The following ERI1 variants were observed in gnomAD, a reference collection of about 807,000 sequenced individuals.
ERI1 encodes exoribonuclease 1.
In ERI1, 39 loss-of-function variants were observed where a neutral mutation model predicts 39.7. The ratio of observed to expected loss-of-function variants is 0.98; its 90% CI spans 0.76 to 1.28. The LOEUF is 1.28. Ranked by LOEUF, ERI1 falls within the 50% of genes most tolerant of loss-of-function variation. The probability of loss-of-function intolerance (pLI) is 0.00; values close to 1 mark genes in which losing one functional copy is unlikely to be tolerated. For missense variants in ERI1, 581 were observed against 416.9 expected (o/e 1.39, Z -3.43); for synonymous variants, 204 against 149.6 (o/e 1.36, Z -2.65).
At chr8:9,038,649 T>TG (rs1797926943) in intron 3 of ERI1, among the ~76,000 whole-genome samples, 1 of 152,114 alleles carries the variant, frequency 6.6e-6, no homozygotes, top group Non-Finnish European at 1.5e-5. Flanking sequence ...CCCATCTACT[T>TG]GGGGGGCTGA....
intron 3 of ERI1, among the ~76,000 whole-genome samples, chr8:9,060,361 G>A (rs1306970663): frequency 6.6e-6 from 1 of 152,048 alleles, no homozygotes; most frequent in Non-Finnish European, 1.5e-5. Context: ...TTAGTTTTCT[G>A]ACTTGGGGCA....
intron 1 of ERI1, among the ~76,000 whole-genome samples, chr8:9,004,720 C>CTTATTTTTTTTT: frequency 7.6e-6 from 1 of 131,638 alleles, no homozygotes; most frequent in African/African-American, 2.9e-5. Flanking sequence ...GAGTTTCGTT[C>CTTATTTTTTTTT]TTGTTGCCCA....
At chr8:9,021,396 T>C (rs1030347406) in intron 6 of ERI1, among the ~76,000 whole-genome samples, 4 of 152,206 alleles carry the variant, frequency 2.6e-5, no homozygotes, top group African/African-American at 7.2e-5. Context: ...CCTTTAATTC[T>C]CATGCATTAG....
chr8:9,041,255 G>A (rs548283429), intron 3 of ERI1, among the ~76,000 whole-genome samples: 45 of 152,138 alleles, frequency 3.0e-4, no homozygotes, highest in Non-Finnish European at 6.2e-4. Context: ...ACCTTAAGTC[G>A]TAAAATTTAT....
intron 3 of ERI1, among the ~76,000 whole-genome samples, chr8:9,090,702 C>T (rs113352914): frequency 5.3e-4 from 81 of 152,144 alleles, no homozygotes; most frequent in African/African-American, 1.4e-3. Context: ...ATAGATTGTG[C>T]TTTAGAAAAG....
rs549789920 is a variant in ERI1 at position 9,013,280 on chromosome 8, G to A, written c.498+1528G>A. On this transcript the variant is annotated intron_variant, in intron 3 of 6. Transcript: ENST00000250263. ...TCCACCTGCCTCAGGTTCCCCAAGTGCTAGGATTACAGGCGTGAGCCACCA... is the reference window on the plus strand; with the variant it reads ...TCCACCTGCCTCAGGTTCCCCAAGTACTAGGATTACAGGCGTGAGCCACCA... Among the ~76,000 whole-genome samples, 4 of 148,290 alleles carry A rather than the reference G, an allele frequency of 2.7e-5. No homozygotes were observed. In the East Asian group the frequency reaches 7.9e-4, roughly 29 times the overall value.
At chr8:9,015,889 A>C (rs1370968259) in intron 3 of ERI1, among the ~76,000 whole-genome samples, 1 of 152,164 alleles carries the variant, frequency 6.6e-6, no homozygotes, top group African/African-American at 2.4e-5. Flanking sequence ...AATAAAGACT[A>C]TTCAGGAGTA....
At chr8:9,038,589 T>G (rs1797923515) in intron 3 of ERI1, among the ~76,000 whole-genome samples, 1 of 149,480 alleles carries the variant, frequency 6.7e-6, no homozygotes, top group Non-Finnish European at 1.5e-5. Flanking sequence ...AAACCCTGTT[T>G]CTACAAAAAA....
chr8:9,071,000 A>T (rs1305864607), intron 3 of ERI1, among the ~76,000 whole-genome samples: 1 of 152,144 alleles, frequency 6.6e-6, no homozygotes, highest in Non-Finnish European at 1.5e-5. Context: ...TGCAGAGTGA[A>T]CGGGCTCTAT....
intron 3 of ERI1, among the ~76,000 whole-genome samples, chr8:9,077,895 A>G (rs1799256874): frequency 6.6e-6 from 1 of 151,496 alleles, no homozygotes; most frequent in Non-Finnish European, 1.5e-5. Flanking sequence ...ACCCCATCCA[A>G]CCTTTCTTTC....
chr8:9,017,495 A>G (rs1449654936), intron 4 of ERI1, among the ~76,000 whole-genome samples: 1 of 152,220 alleles, frequency 6.6e-6, no homozygotes, highest in Non-Finnish European at 1.5e-5. Context: ...ATATAGACGT[A>G]TGTCTGTGCA....
intron 3 of ERI1, chr8:9,096,603 C>T (rs1799883442): frequency 6.6e-6 from 1 of 151,954 alleles, no homozygotes; most frequent in Non-Finnish European, 1.5e-5. Context: ...GGTCCAGCTG[C>T]CTGATGTTGA....
chr8:9,027,578 A>G (rs1319974889), intron 6 of ERI1, among the ~76,000 whole-genome samples: 1 of 152,122 alleles, frequency 6.6e-6, no homozygotes, highest in African/African-American at 2.4e-5. Flanking sequence ...AGCCTTTTCC[A>G]TATGTTTTAT....
chr8:9,006,440 A>G (rs1816029040), intron 1 of ERI1, among the ~76,000 whole-genome samples: 1 of 152,252 alleles, frequency 6.6e-6, no homozygotes, highest in Admixed American at 6.5e-5. Flanking sequence ...GGATTTATCC[A>G]AAGAGAAAAT....
At chr8:9,063,250 G>C (rs1240717759) in intron 3 of ERI1, among the ~76,000 whole-genome samples, 1 of 152,184 alleles carries the variant, frequency 6.6e-6, no homozygotes, top group Non-Finnish European at 1.5e-5. Flanking sequence ...TGCTAAAGGG[G>C]CCATGAACTG....
chr8:9,042,514 C>T (rs1204216138), intron 3 of ERI1, among the ~76,000 whole-genome samples: 1 of 152,182 alleles, frequency 6.6e-6, no homozygotes, highest in African/African-American at 2.4e-5. Flanking sequence ...GGAACACCCT[C>T]CCATTATACT....
chr8:9,026,265 C>G (rs889711700), intron 6 of ERI1, among the ~76,000 whole-genome samples: 6 of 152,120 alleles, frequency 3.9e-5, no homozygotes, highest in African/African-American at 7.2e-5. Context: ...TAAAAATGCT[C>G]TCAATCATTT....
chr8:9,009,588 G>A (rs531555568), intron 2 of ERI1, among the ~76,000 whole-genome samples: 1 of 152,262 alleles, frequency 6.6e-6, no homozygotes, highest in East Asian at 1.9e-4. Flanking sequence ...TCGCCAGGCT[G>A]GAGTGCAGTG....
chr8:9,097,123 C>G (rs1799902303), intron 3 of ERI1, among the ~76,000 whole-genome samples: 3 of 152,134 alleles, frequency 2.0e-5, no homozygotes, highest in Non-Finnish European at 2.9e-5. Flanking sequence ...TACACCCCCT[C>G]CATCCTTCAG....
Sources: allele counts gnomAD v4.1 joint callset (sites outside exome capture counted in the v4.1 genomes callset), GRCh38; gene constraint gnomAD v4.1.1; transcripts MANE v1.5; gene names NCBI Gene and HGNC (gene_info 2026-07-23, HGNC 2026-07-21).